The following ITIH2 variants were observed in gnomAD, a reference collection of about 807,000 sequenced individuals.
ITIH2 encodes the protein inter-alpha-trypsin inhibitor heavy chain 2.
In ITIH2, 103 loss-of-function variants were observed where a neutral mutation model predicts 104.4. That is an observed-to-expected ratio of 0.99 (90% CI 0.84 to 1.16). The LOEUF (loss-of-function observed/expected upper bound fraction) is 1.16. ITIH2 is among the 50% of genes most tolerant of loss of function. ITIH2 has a pLI of 0.00. For missense variants in ITIH2, 1,108 were observed against 1,162.4 expected, an observed-to-expected ratio of 0.95 and a Z score of 0.68; for synonymous variants, 436 against 435.4, an observed-to-expected ratio of 1.00 and a Z score of -0.02.
chr10:7,748,282 A>G (rs72781054), intron 20 of ITIH2, among the ~76,000 whole-genome samples: 107 of 147,988 alleles, frequency 7.2e-4, no homozygotes, highest in Non-Finnish European at 1.4e-3. Context: ...GACAAAAAGT[A>G]AATGCTGGGC....
intron 15 of ITIH2, 83 bp from the exon 16 acceptor site, chr10:7,738,538 C>T (rs1835093274): frequency 4.8e-6 from 7 of 1,464,622 alleles, no homozygotes; most frequent in Non-Finnish European, 6.7e-6. Flanking sequence ...CCTGGGGGTG[C>T]ATAAAACAGA....
chr10:7,714,500 G>A (rs1462289611), intron 5 of ITIH2, among the ~76,000 whole-genome samples: 3 of 151,966 alleles, frequency 2.0e-5, no homozygotes, highest in Admixed American at 6.6e-5. Context: ...AAATGCTGCC[G>A]TGTTTCTTTC....
At chr10:7,744,344 G>T in intron 18 of ITIH2, 64 bp downstream of exon 18, 1 of 1,309,724 alleles carries the variant, frequency 7.6e-7, no homozygotes. Context: ...ATAAATCCAG[G>T]CATCAGTGAC....
chr10:7,717,325 G>T (rs534979575), intron 5 of ITIH2, among the ~76,000 whole-genome samples: 1 of 152,308 alleles, frequency 6.6e-6, no homozygotes, highest in East Asian at 1.9e-4. Flanking sequence ...TATCAGCAAT[G>T]ATAGATGTCA....
At chr10:7,718,925 C>T (rs1468934970) in intron 6 of ITIH2, among the ~76,000 whole-genome samples, 1 of 152,210 alleles carries the variant, frequency 6.6e-6, no homozygotes, top group East Asian at 1.9e-4. Context: ...CTGAACTCAC[C>T]TCTGCTGTCA....
chr10:7,723,292 A>C (rs946819555), intron 8 of ITIH2, among the ~76,000 whole-genome samples, 159 bp from the exon 9 acceptor site: 1 of 151,856 alleles, frequency 6.6e-6, no homozygotes, highest in African/African-American at 2.4e-5. Context: ...AGAGGAGAGG[A>C]GGTGGGGGAG....
chr10:7,713,285 G>C lies in ITIH2; in HGVS notation c.467G>C (p.Arg156Thr), dbSNP rs766572351. Residue 156 changes from arginine to threonine, a missense_variant and splice_region_variant, in exon 5 of 21, where the codon AGG (arginine) becomes ACG (threonine). Coordinates refer to ENST00000358415, the MANE Select transcript of ITIH2 (RefSeq NM_002216.3). ...RAKGKTAGLV[R>T]SSALDMENFR... ...AAAGGCAAGACGGCTGGCTTGGTGA[G>C]GTAAGGCCTGAGTGAGCAAGGCTTG... 6.2e-7 allele frequency: 1 copy of C among 1,611,596 alleles called. No homozygotes were observed. The highest frequency in any genetic ancestry group is 8.5e-7 in the Non-Finnish European group (1 of 1,177,770).
intron 6 of ITIH2, among the ~76,000 whole-genome samples, chr10:7,719,661 T>G (rs1440209466): frequency 6.9e-6 from 1 of 145,016 alleles, no homozygotes; most frequent in Non-Finnish European, 1.5e-5. Flanking sequence ...CTTGGGAGGC[T>G]GAGGCAGGAG....
intron 6 of ITIH2, among the ~76,000 whole-genome samples, chr10:7,720,222 C>A (rs1224024642): frequency 6.6e-6 from 1 of 152,140 alleles, no homozygotes; most frequent in African/African-American, 2.4e-5. Flanking sequence ...GCACTAAAAG[C>A]CTGGGCTTCA....
In ITIH2 at chr10:7,732,038, C is replaced by T. The variant is rs201967251; in HGVS notation, c.1647+42C>T. 1.4e-5 allele frequency: 21 copies of T among 1,464,340 alleles called. No homozygotes were observed. In the East Asian group the frequency reaches 4.7e-4, roughly 33 times the overall value. The allele number at this position is 1,464,340 out of a possible 1,614,324, so 90.7% of individuals were successfully genotyped here. On this transcript the variant is annotated intron_variant, in intron 13 of 20. Transcript: ENST00000358415. Reference sequence around the variant, plus strand: ...ATTTATTCTATCTACTAACTGACCCCCTAGATACAGTCCCTCTTGAATGTC... The same window carrying T: ...ATTTATTCTATCTACTAACTGACCCTCTAGATACAGTCCCTCTTGAATGTC...
In ITIH2 at chr10:7,744,913, TC is replaced by T. The variant is rs1835161702; in HGVS notation, c.2532del (p.Tyr845ThrfsTer15). On this transcript the variant is annotated frameshift_variant, in exon 19 of 21. Coordinates refer to ENST00000358415, the MANE Select transcript of ITIH2 (RefSeq NM_002216.3). LOFTEE classifies it high-confidence loss of function. ...CCCGTCAATGTTGACTTTCTGGGAA[TC>T]TACATACCCCCTACAAACAAGTTCT... is the stretch of plus-strand genomic sequence containing the variant. ...KHPVNVDFLG[I>X]YIPPTNKFSP... 3.1e-6 allele frequency: 5 copies of T among 1,614,066 alleles called. No individual in the cohort carries two copies. Among genetic ancestry groups the T allele is most frequent in the Non-Finnish European group, 4.2e-6 (5 of 1,180,022 alleles).
chr10:7,720,974 C>T lies in ITIH2; in HGVS notation c.738+11C>T. On this transcript the variant is annotated intron_variant, in intron 7 of 20. Coordinates refer to ENST00000358415, the MANE Select transcript of ITIH2 (RefSeq NM_002216.3). ...AAAGGACAACAGAAGGTACCCTGAGCCCTGTGTGTTGCCAGGCATTCACAG... is the reference window on the plus strand; with the variant it reads ...AAAGGACAACAGAAGGTACCCTGAGTCCTGTGTGTTGCCAGGCATTCACAG... 1 of 1,542,684 alleles carries T rather than the reference C, an allele frequency of 6.5e-7. No individual in the cohort carries two copies. The highest frequency in any genetic ancestry group is 9.0e-7 in the Non-Finnish European group (1 of 1,115,066).
intron 18 of ITIH2, 121 bp downstream of exon 18, chr10:7,744,401 G>A: frequency 1.1e-6 from 1 of 919,206 alleles, no homozygotes; most frequent in Non-Finnish European, 1.6e-6. Context: ...GGAAGTTGAG[G>A]TTCAGAAAAA....
rs192441120 is a variant in ITIH2 at position 7,745,808 on chromosome 10, G to A, written c.2582-785G>A. ...TCTCTCTTGTTGCCCAGGCTGGAGC[G>A]CAGTGGCGCAATCTCGGCTCACCGC... is the stretch of plus-strand genomic sequence containing the variant. On this transcript the variant is annotated intron_variant, in intron 19 of 20. Coordinates refer to ENST00000358415, the MANE Select transcript of ITIH2 (RefSeq NM_002216.3). Among the ~76,000 whole-genome samples the A allele has an allele frequency of 3.3e-3, 502 of 151,286 alleles. 4 individuals are homozygous for A. Among genetic ancestry groups the A allele is most frequent in the African/African-American group, 0.01 (425 of 41,416 alleles).
At chr10:7,741,491 T>C (rs1835124164) in intron 16 of ITIH2, among the ~76,000 whole-genome samples, 1 of 152,196 alleles carries the variant, frequency 6.6e-6, no homozygotes. Flanking sequence ...TCTGTGTTTT[T>C]ACAATGCCCT....
intron 16 of ITIH2, among the ~76,000 whole-genome samples, chr10:7,742,929 T>C (rs1327005263): frequency 1.3e-5 from 2 of 152,172 alleles, no homozygotes. Flanking sequence ...TCCACTATAT[T>C]TGTAAAATAA....
Position 7,721,691 on chromosome 10 carries a change from T to C in ITIH2, c.781T>C (p.Cys261Arg), listed in dbSNP as rs760281770. 9.3e-6 allele frequency: 15 copies of C among 1,613,498 alleles called. No homozygotes were observed. The highest frequency in any genetic ancestry group is 1.3e-5 in the Non-Finnish European group (15 of 1,179,560). Residue 261 changes from cysteine to arginine, a missense_variant, in exon 8 of 21, where the codon TGC becomes CGC. Coordinates refer to ENST00000358415, the MANE Select transcript of ITIH2 (RefSeq NM_002216.3). Reference sequence around the variant, plus strand: ...GCCCACGGTAGCACAGCAGAGAATATGCCCTAACTGCCGGGAGACTGCGGT... The same window carrying C: ...GCCCACGGTAGCACAGCAGAGAATACGCCCTAACTGCCGGGAGACTGCGGT... ...FKPTVAQQRI[C>R]PNCRETAVDG...
rs752226426 is a variant in ITIH2 at position 7,744,225 on chromosome 10, G to GTA, written c.2353_2354insTA (p.Gly785ValfsTer25). On this transcript the variant is annotated frameshift_variant, in exon 18 of 21. Coordinates refer to ENST00000358415, the MANE Select transcript of ITIH2 (RefSeq NM_002216.3). LOFTEE classifies it high-confidence loss of function. ...CACTGAGACCATCACCCTGAGCCAT[G>GTA]GTTCTAGCACATTCTCCTTGTCCTG... 6.2e-7 allele frequency: 1 copy of GTA among 1,614,118 alleles called. No individual in the cohort carries two copies. Among genetic ancestry groups the GTA allele is most frequent in the East Asian group, 2.2e-5 (1 of 44,876 alleles).
intron 15 of ITIH2, among the ~76,000 whole-genome samples, chr10:7,735,408 T>A (rs11255324): frequency 6.6e-6 from 1 of 152,064 alleles, no homozygotes; most frequent in Non-Finnish European, 1.5e-5. Context: ...AAGAAAAGTT[T>A]TTTTTCATTA....
Sources: gnomAD v4.1 joint callset for allele counts (sites outside exome capture counted in the v4.1 genomes callset) on GRCh38, gnomAD v4.1.1 for gene constraint, MANE v1.5 for transcripts, NCBI Gene and HGNC (gene_info 2026-07-23, HGNC 2026-07-21) for gene names.